Variants in CALCB observed in about 807,000 individuals in gnomAD.
CALCB encodes the protein calcitonin related polypeptide beta.
A neutral mutation model predicts 10.7 loss-of-function variants in CALCB; 8 were observed. The ratio of observed to expected loss-of-function variants is 0.75; its 90% CI spans 0.44 to 1.34. The LOEUF (loss-of-function observed/expected upper bound fraction) is 1.34. Among genes scored for constraint, CALCB ranks in the 40% most tolerant of loss-of-function variants. The pLI is 0.01. For missense variants in CALCB, 176 were observed against 162.5 expected (o/e 1.08, Z -0.45); for synonymous variants, 76 against 66.9 (o/e 1.14, Z -0.66).
chr11:15,075,248 C>T (rs1850384070), intron 3 of CALCB, 50 bp downstream of exon 3: 1 of 1,612,440 alleles, frequency 6.2e-7, no homozygotes, highest in Non-Finnish European at 8.5e-7. Flanking sequence ...CCGCAGCATA[C>T]ACAGGAAGGT....
intron 3 of CALCB, 58 bp from the exon 4 acceptor site, chr11:15,077,228 C>T (rs1053380345): frequency 1.5e-5 from 23 of 1,583,356 alleles, no homozygotes; most frequent in Non-Finnish European, 1.9e-5. Context: ...TTCATGAAGG[C>T]TCCTCCCCCA....
At chr11:15,073,915 G>C (rs1476643671) in intron 1 of CALCB, among the ~76,000 whole-genome samples, 1 of 152,260 alleles carries the variant, frequency 6.6e-6, no homozygotes, top group East Asian at 1.9e-4. Flanking sequence ...CGCAGCGAGC[G>C]GAGGTAGGCG....
Position 15,075,204 on chromosome 11 carries a change from G to A in CALCB, c.224+6G>A, listed in dbSNP as rs1167669973. On this transcript the variant is annotated splice_donor_region_variant and intron_variant, in intron 3 of 4. Transcript: ENST00000324229. ...CAGGAGACACAGGGCTCCAGGTGAG[G>A]TTCCCCAAGCGCCCAGCACAGGGAC... is the stretch of plus-strand genomic sequence containing the variant. 6.2e-7 allele frequency: 1 copy of A among 1,614,026 alleles called. No homozygotes were observed. Among genetic ancestry groups the A allele is most frequent in the Non-Finnish European group, 8.5e-7 (1 of 1,180,028 alleles).
At chr11:15,074,963 C>T in intron 2 of CALCB, 98 bp from the exon 3 acceptor site, 1 of 1,517,500 alleles carries the variant, frequency 6.6e-7, no homozygotes, top group African/African-American at 1.4e-5. Context: ...GGCCACATCC[C>T]CAGGGGAAGA....
chr11:15,075,180 A>G lies in CALCB; in HGVS notation c.206A>G (p.Gln69Arg). 6.2e-7 allele frequency: 1 copy of G among 1,614,204 alleles called. No homozygotes were observed. The highest frequency in any genetic ancestry group is 1.3e-5 in the African/African-American group (1 of 75,062). The change falls in exon 3 of 5, where the codon CAG becomes CGG. Residue 69 changes from glutamine (Q) to arginine (R), a missense_variant. Coordinates refer to ENST00000324229, the MANE Select transcript of CALCB (RefSeq NM_000728.4). ...AAGGCCAGTGAGCTGAAGCAGGAGCAGGAGACACAGGGCTCCAGGTGAGGT... is the reference window on the plus strand; with the variant it reads ...AAGGCCAGTGAGCTGAAGCAGGAGCGGGAGACACAGGGCTCCAGGTGAGGT... Reference protein sequence around the residue: ...QMKASELKQEQETQGSSSAAQ... With the variant: ...QMKASELKQERETQGSSSAAQ...
chr11:15,077,430 G>A lies in CALCB; in HGVS notation c.369G>A (p.Arg123=). 2 of 1,614,164 alleles carry A rather than the reference G, an allele frequency of 1.2e-6. No individual in the cohort carries two copies. The highest frequency in any genetic ancestry group is 1.7e-6 in the Non-Finnish European group (2 of 1,180,038). ...CCAAAGCCTTTGGCAGGCGCCGCAG[G>A]GACCTTCAAGCCTGAGCAGATGAAT... The part of the protein sequence containing the change: ...VGSKAFGRRR[R]DLQA The change falls in exon 4 of 5, where the codon AGG becomes AGA. Residue 123 remains arginine (R), a synonymous_variant. Transcript: ENST00000324229.
rs1311329522 is a variant in CALCB at position 15,074,792 on chromosome 11, C to A, written c.74C>A (p.Ala25Glu). The change falls in exon 2 of 5, where the codon GCG (alanine) becomes GAG (glutamate). Residue 25 changes from alanine to glutamate, a missense_variant. Coordinates refer to ENST00000324229, the MANE Select transcript of CALCB (RefSeq NM_000728.4). The stretch of plus-strand genomic sequence containing the variant: ...CTGTACCAGGCGGGCAGCCTCCAGG[C>A]GGCGCCATTCAGGTGAGACAGCCTG... Reference protein sequence around the residue: ...LVLYQAGSLQAAPFRSALESS... With the variant: ...LVLYQAGSLQEAPFRSALESS... The A allele has an allele frequency of 1.2e-6, 2 of 1,613,660 alleles. No individual in the cohort carries two copies. The highest frequency in any genetic ancestry group is 1.3e-5 in the African/African-American group (1 of 75,030).
At position 15,075,159 on chromosome 11, in the gene CALCB, C is replaced by T. The variant is rs1850382828; in HGVS notation, c.185C>T (p.Ala62Val). 6.2e-7 allele frequency: 1 copy of T among 1,614,080 alleles called. No individual in the cohort carries two copies. Among genetic ancestry groups the T allele is most frequent in the Non-Finnish European group, 8.5e-7 (1 of 1,180,046 alleles). The change falls in exon 3 of 5, where the codon GCC becomes GTC. Residue 62 changes from alanine (A) to valine (V), a missense_variant. By Grantham distance (64) the Ala-to-Val change is moderately conservative. Transcript: ENST00000324229. The stretch of plus-strand genomic sequence containing the variant: ...GTGCAGGACTATGTGCAGATGAAGG[C>T]CAGTGAGCTGAAGCAGGAGCAGGAG... ...ALVQDYVQMKASELKQEQETQ... is the reference protein window; with the variant it reads ...ALVQDYVQMKVSELKQEQETQ...
Position 15,075,190 on chromosome 11 carries a change from G to C in CALCB, c.216G>C (p.Gln72His), listed in dbSNP as rs1181155803. Residue 72 changes from glutamine (Q) to histidine (H), a missense_variant, in exon 3 of 5, where the codon CAG (glutamine) becomes CAC (histidine). Gln to His is a conservative substitution (Grantham distance 24). Coordinates refer to ENST00000324229, the MANE Select transcript of CALCB (RefSeq NM_000728.4). Reference protein sequence around the residue: ...ASELKQEQETQGSSSAAQKRA... With the variant: ...ASELKQEQETHGSSSAAQKRA... ...AGCTGAAGCAGGAGCAGGAGACACA[G>C]GGCTCCAGGTGAGGTTCCCCAAGCG... 3 of 1,614,162 alleles carry C rather than the reference G, an allele frequency of 1.9e-6. No homozygotes were observed. In the South Asian group the frequency reaches 3.3e-5, roughly 18 times the overall value.
At chr11:15,074,418 T>C (rs948909594) in intron 1 of CALCB, among the ~76,000 whole-genome samples, 1 of 152,220 alleles carries the variant, frequency 6.6e-6, no homozygotes, top group African/African-American at 2.4e-5. Context: ...GGCAGAAGTG[T>C]CTGTTTGTGT....
chr11:15,074,224 C>A (rs1437658665), intron 1 of CALCB, among the ~76,000 whole-genome samples: 1 of 152,264 alleles, frequency 6.6e-6, no homozygotes, highest in South Asian at 2.1e-4. Flanking sequence ...TCCTGAGACA[C>A]CCGTAACTGG....
In CALCB at chr11:15,075,236, C is replaced by T. The variant is rs769911838; in HGVS notation, c.224+38C>T. 4 of 1,613,148 alleles carry T rather than the reference C, an allele frequency of 2.5e-6. No individual in the cohort carries two copies. In the East Asian group the frequency reaches 8.9e-5, roughly 36 times the overall value. ...AAGCGCCCAGCACAGGGACTCCTCTCCCCGCAGCATACACAGGAAGGTGGA... is the reference window on the plus strand; with the variant it reads ...AAGCGCCCAGCACAGGGACTCCTCTTCCCGCAGCATACACAGGAAGGTGGA... On this transcript the variant is annotated intron_variant, in intron 3 of 4. Transcript: ENST00000324229.
At chr11:15,077,243 T>G (rs1463803932) in intron 3 of CALCB, 43 bp from the exon 4 acceptor site, 5 of 1,604,454 alleles carry the variant, frequency 3.1e-6, no homozygotes, top group Non-Finnish European at 2.6e-6. Context: ...CCCCCAGCTT[T>G]TCACTCACAG....
Position 15,074,769 on chromosome 11 carries a change from G to C in CALCB, c.51G>C (p.Leu17=). 4 of 1,614,076 alleles carry C rather than the reference G, an allele frequency of 2.5e-6. No homozygotes were observed. Among genetic ancestry groups the C allele is most frequent in the Non-Finnish European group, 3.4e-6 (4 of 1,179,988 alleles). Residue 17 remains leucine (L), a synonymous_variant, in exon 2 of 5, where the codon CTG becomes CTC. Transcript: ENST00000324229. ...SPFLALSILV[L]YQAGSLQAAP... ...TCCTGGCTCTCAGTATCTTGGTCCT[G>C]TACCAGGCGGGCAGCCTCCAGGCGG...
rs1850406646 is a variant in CALCB at position 15,077,442 on chromosome 11, C to T, written c.381C>T (p.Ala127=). Residue 127 remains alanine (A), a synonymous_variant, in exon 4 of 5, where the codon GCC becomes GCT. Coordinates refer to ENST00000324229, the MANE Select transcript of CALCB (RefSeq NM_000728.4). The stretch of plus-strand genomic sequence containing the variant: ...GCAGGCGCCGCAGGGACCTTCAAGC[C>T]TGAGCAGATGAATGACTCCAGGAAG... ...AFGRRRRDLQ[A] 6.2e-7 allele frequency: 1 copy of T among 1,614,160 alleles called. No homozygotes were observed. Among genetic ancestry groups the T allele is most frequent in the East Asian group, 2.2e-5 (1 of 44,888 alleles).
chr11:15,076,292 T>C (rs1850393009), intron 3 of CALCB, among the ~76,000 whole-genome samples: 1 of 152,204 alleles, frequency 6.6e-6, no homozygotes, highest in Non-Finnish European at 1.5e-5. Flanking sequence ...CTGAAATTCC[T>C]GGCAAGAATA....
chr11:15,077,154 T>A (rs1850402755), intron 3 of CALCB, 132 bp from the exon 4 acceptor site: 1 of 951,598 alleles, frequency 1.1e-6, no homozygotes, highest in African/African-American at 1.6e-5. Flanking sequence ...CCCTAACAGC[T>A]TTGATAATTG....
intron 1 of CALCB, among the ~76,000 whole-genome samples, chr11:15,074,055 C>T (rs890605154): frequency 8.5e-5 from 13 of 152,256 alleles, no homozygotes; most frequent in African/African-American, 3.1e-4. Context: ...CCTGAGCTTT[C>T]CTCTGAGGCG....
chr11:15,074,879 T>C, intron 2 of CALCB, 75 bp downstream of exon 2: 2 of 1,427,898 alleles, frequency 1.4e-6, no homozygotes, highest in Non-Finnish European at 1.9e-6. Flanking sequence ...GCCTCTGAAG[T>C]CACGCGTGGC....
Sources: gnomAD v4.1 joint callset for allele counts (sites outside exome capture counted in the v4.1 genomes callset) on GRCh38, gnomAD v4.1.1 for gene constraint, MANE v1.5 for transcripts, NCBI Gene and HGNC (gene_info 2026-07-23, HGNC 2026-07-21) for gene names.